IGSF21: variants seen among roughly 807,000 people sequenced by gnomAD.
The protein encoded by IGSF21 is immunoglobulin superfamily member 21.
Under a neutral mutation model 46.8 loss-of-function variants are expected in IGSF21, and 28 were observed. The ratio of observed to expected loss-of-function variants is 0.60; its 90% CI spans 0.44 to 0.82. The LOEUF is 0.82. Among genes scored for constraint, IGSF21 ranks in the 40% least tolerant of loss-of-function variants. The probability of loss-of-function intolerance (pLI) is 0.00; values close to 1 mark genes in which losing one functional copy is unlikely to be tolerated. For synonymous variants in IGSF21, 284 were observed against 273.6 expected (o/e 1.04, Z -0.38); for missense variants, 624 against 665.5 (o/e 0.94, Z 0.69).
At position 18,375,870 on chromosome 1, in the gene IGSF21, G is replaced by T. The variant is rs112528736; in HGVS notation, c.1016-440G>T. On this transcript the variant is annotated intron_variant, in intron 6 of 9. Coordinates refer to ENST00000251296, the MANE Select transcript of IGSF21 (RefSeq NM_032880.5). ...CAAGGGGGTAGCGTGGGTGGGAGTT[G>T]GGGGTACCTCAAGTCTGGCTGCTGG... 514 of 188,158 alleles carry T rather than the reference G, an allele frequency of 2.7e-3. 2 individuals are homozygous for T. Among genetic ancestry groups the T allele is most frequent in the African/African-American group, 0.011 (497 of 43,814 alleles). The allele number at this position is 188,158 out of a possible 1,614,324, so 11.7% of individuals were successfully genotyped here. A position where few individuals can be genotyped will look rare whatever the true frequency, so the allele number is the denominator to read the frequency against.
At chr1:18,203,972 C>T (rs184787966) in intron 1 of IGSF21, among the ~76,000 whole-genome samples, 11 of 152,304 alleles carry the variant, frequency 7.2e-5, no homozygotes, top group Admixed American at 1.3e-4. Flanking sequence ...CTGGGGCCAT[C>T]GCTTGCCGAG....
At chr1:18,165,947 T>C (rs576556831) in intron 1 of IGSF21, among the ~76,000 whole-genome samples, 10 of 152,324 alleles carry the variant, frequency 6.6e-5, no homozygotes, top group Admixed American at 5.2e-4. Context: ...ATACAAAATG[T>C]GAGGTCCCAT....
chr1:18,150,536 G>T (rs1020105070), intron 1 of IGSF21, among the ~76,000 whole-genome samples: 1 of 152,188 alleles, frequency 6.6e-6, no homozygotes, highest in African/African-American at 2.4e-5. Context: ...GTTTGAGTCA[G>T]TGTGGTCAGA....
At chr1:18,190,468 G>C (rs1320239709) in intron 1 of IGSF21, among the ~76,000 whole-genome samples, 1 of 151,888 alleles carries the variant, frequency 6.6e-6, no homozygotes, top group Non-Finnish European at 1.5e-5. Context: ...CACACACTAA[G>C]TGTTCATAAA....
intron 1 of IGSF21, among the ~76,000 whole-genome samples, chr1:18,207,528 A>G (rs1441462560): frequency 6.6e-6 from 1 of 152,246 alleles, no homozygotes; most frequent in Non-Finnish European, 1.5e-5. Flanking sequence ...CCAGGGTTAC[A>G]AAGTCAGGAC....
rs1034766724 is a variant in IGSF21 at position 18,378,391 on chromosome 1, T to C, written c.*65T>C. 4 of 1,318,830 alleles carry C rather than the reference T, an allele frequency of 3.0e-6. No homozygotes were observed. The highest frequency in any genetic ancestry group is 3.2e-6 in the Non-Finnish European group (3 of 927,930). The allele number at this position is 1,318,830 out of a possible 1,614,324, so 81.7% of individuals were successfully genotyped here. On this transcript the variant is annotated 3_prime_UTR_variant, in exon 10 of 10. Transcript: ENST00000251296. ...CCACGACCGGTTTTCATTTCTTTTCTAAACTATTTCCAGTCTTGTTCTTAG... is the reference window on the plus strand; with the variant it reads ...CCACGACCGGTTTTCATTTCTTTTCCAAACTATTTCCAGTCTTGTTCTTAG...
At chr1:18,247,445 T>C (rs1462532773) in intron 2 of IGSF21, among the ~76,000 whole-genome samples, 1 of 152,044 alleles carries the variant, frequency 6.6e-6, no homozygotes, top group Non-Finnish European at 1.5e-5. Flanking sequence ...GTGCCATCCT[T>C]TGAGTGTGAG....
chr1:18,165,589 G>C lies in IGSF21; in HGVS notation c.70+57391G>C, dbSNP rs74922992. Reference sequence around the variant, plus strand: ...TTCTCAGCCTGTAAAGAGTAAAGTAGAGGTTCTTCTTCAAAGACTTTCCTC... The same window carrying C: ...TTCTCAGCCTGTAAAGAGTAAAGTACAGGTTCTTCTTCAAAGACTTTCCTC... On this transcript the variant is annotated intron_variant, in intron 1 of 9. Coordinates refer to ENST00000251296, the MANE Select transcript of IGSF21 (RefSeq NM_032880.5). 6.1e-4 allele frequency among the ~76,000 whole-genome samples: 93 copies of C among 152,306 alleles called. 3 individuals carry two copies. The East Asian group carries it at 0.017, about 28-fold the overall frequency.
chr1:18,198,100 G>GT (rs1178209353), intron 1 of IGSF21, among the ~76,000 whole-genome samples: 3 of 152,202 alleles, frequency 2.0e-5, no homozygotes, highest in African/African-American at 7.2e-5. Context: ...TAAAATTTCA[G>GT]TTTTCAAGTG....
At chr1:18,208,157 A>G (rs1432104140) in intron 1 of IGSF21, among the ~76,000 whole-genome samples, 1 of 151,468 alleles carries the variant, frequency 6.6e-6, no homozygotes, top group Non-Finnish European at 1.5e-5. Context: ...CAGATGCCTG[A>G]GGGCCCCTGG....
intron 2 of IGSF21, among the ~76,000 whole-genome samples, chr1:18,260,447 G>A (rs896789192): frequency 2.0e-5 from 3 of 152,248 alleles, no homozygotes; most frequent in African/African-American, 4.8e-5. Flanking sequence ...CTATTGAAGC[G>A]GCAGTGCGCA....
intron 2 of IGSF21, among the ~76,000 whole-genome samples, chr1:18,245,037 A>G (rs1273309101): frequency 6.6e-6 from 1 of 152,188 alleles, no homozygotes; most frequent in Non-Finnish European, 1.5e-5. Flanking sequence ...GTAGGGCTAT[A>G]CTTATTGAAC....
intron 4 of IGSF21, among the ~76,000 whole-genome samples, chr1:18,336,465 T>C (rs1224288906): frequency 1.3e-5 from 2 of 152,190 alleles, no homozygotes; most frequent in Admixed American, 6.5e-5. Flanking sequence ...GCAAGCAACT[T>C]GCCTAAAGTC....
At chr1:18,288,720 G>T (rs914705844) in intron 2 of IGSF21, among the ~76,000 whole-genome samples, 3 of 152,218 alleles carry the variant, frequency 2.0e-5, no homozygotes, top group Admixed American at 2.0e-4. Context: ...GCGTGTCTGA[G>T]CCTCCCATTT....
chr1:18,261,652 T>C (rs1248978904), intron 2 of IGSF21, among the ~76,000 whole-genome samples: 1 of 152,214 alleles, frequency 6.6e-6, no homozygotes, highest in Non-Finnish European at 1.5e-5. Flanking sequence ...CTGTGAGGTC[T>C]TAGGTCTTGG....
At chr1:18,242,986 G>A (rs1347859035) in intron 2 of IGSF21, among the ~76,000 whole-genome samples, 1 of 152,284 alleles carries the variant, frequency 6.6e-6, no homozygotes, top group East Asian at 1.9e-4. Flanking sequence ...AGGTGCAAAG[G>A]CCTGGGGGTG....
At chr1:18,247,235 G>A (rs1452624084) in intron 2 of IGSF21, among the ~76,000 whole-genome samples, 1 of 152,092 alleles carries the variant, frequency 6.6e-6, no homozygotes, top group East Asian at 1.9e-4. Context: ...GGGGCTGCCA[G>A]CCTTGGTGAC....
At chr1:18,362,388 T>C (rs2086110751) in intron 5 of IGSF21, among the ~76,000 whole-genome samples, 158 bp downstream of exon 5, 1 of 152,158 alleles carries the variant, frequency 6.6e-6, no homozygotes, top group African/African-American at 2.4e-5. Flanking sequence ...GTTTACCCAT[T>C]GGACTGGTCC....
At chr1:18,156,989 T>C (rs888816637) in intron 1 of IGSF21, among the ~76,000 whole-genome samples, 2 of 152,098 alleles carry the variant, frequency 1.3e-5, no homozygotes, top group Non-Finnish European at 2.9e-5. Context: ...CCAGGCATGG[T>C]GGTAGGCACC....
Sources: gnomAD v4.1 joint callset for allele counts (sites outside exome capture counted in the v4.1 genomes callset) on GRCh38, gnomAD v4.1.1 for gene constraint, MANE v1.5 for transcripts, NCBI Gene and HGNC (gene_info 2026-07-23, HGNC 2026-07-21) for gene names.